Variants in ADARB2 observed in about 807,000 individuals in gnomAD.
ADARB2 encodes inactive double-stranded RNA-specific editase B2.
ADARB2 carries 25 observed loss-of-function variants against 62.2 expected under a neutral mutation model. The ratio of observed to expected loss-of-function variants is 0.40; its 90% CI spans 0.29 to 0.56. The LOEUF is 0.56. Among genes scored for constraint, ADARB2 ranks in the 20% least tolerant of loss-of-function variants. The pLI is 0.43. For synonymous variants in ADARB2, 572 were observed against 500.8 expected, an observed-to-expected ratio of 1.14 and a Z score of -1.90; for missense variants, 1,071 against 1,077.4, an observed-to-expected ratio of 0.99 and a Z score of 0.08.
intron 3 of ADARB2, among the ~76,000 whole-genome samples, chr10:1,349,799 G>A (rs1413727477): frequency 8.5e-5 from 13 of 152,210 alleles, no homozygotes; most frequent in South Asian, 4.2e-4. Context: ...TTATGGGGAC[G>A]CCTCTCTGAT....
intron 1 of ADARB2, among the ~76,000 whole-genome samples, chr10:1,452,099 G>A (rs564559396): frequency 1.3e-5 from 2 of 152,162 alleles, no homozygotes; most frequent in Non-Finnish European, 2.9e-5. Flanking sequence ...GCAGATGCCT[G>A]GCCAGGAGGC....
chr10:1,428,683 T>C (rs1226221304), intron 1 of ADARB2, among the ~76,000 whole-genome samples: 1 of 143,038 alleles, frequency 7.0e-6, no homozygotes, highest in African/African-American at 2.5e-5. Flanking sequence ...GGGCTGGGGA[T>C]GGGAGGGAGG....
chr10:1,452,656 T>A (rs1173535652), intron 1 of ADARB2, among the ~76,000 whole-genome samples: 3 of 94,234 alleles, frequency 3.2e-5, no homozygotes, highest in Admixed American at 1.2e-4. Context: ...TGTTGGGGGG[T>A]TGGGGGATAG....
At chr10:1,385,186 T>C (rs1832515497) in intron 1 of ADARB2, among the ~76,000 whole-genome samples, 2 of 151,982 alleles carry the variant, frequency 1.3e-5, no homozygotes, top group South Asian at 4.2e-4. Flanking sequence ...CACCGTGAAA[T>C]CCATATTCTG....
At chr10:1,626,569 T>C (rs1054988709) in intron 1 of ADARB2, among the ~76,000 whole-genome samples, 2 of 152,048 alleles carry the variant, frequency 1.3e-5, no homozygotes, top group Non-Finnish European at 2.9e-5. Flanking sequence ...GTCATGGGAG[T>C]TCCCAGGCCA....
At chr10:1,716,402 A>G (rs577411375) in intron 1 of ADARB2, among the ~76,000 whole-genome samples, 4 of 152,378 alleles carry the variant, frequency 2.6e-5, no homozygotes, top group South Asian at 4.1e-4. Context: ...TAAAAATTGT[A>G]GATTACTTGG....
At position 1,352,003 on chromosome 10, in the gene ADARB2, C is replaced by T. The variant is rs561780312; in HGVS notation, c.1077+11025G>A. Reference sequence around the variant, plus strand: ...CTCAAACATGCTTTCTTTACTATTCCTTTGCACCCTTCATCCCAGCCTCTC... The same window carrying T: ...CTCAAACATGCTTTCTTTACTATTCTTTTGCACCCTTCATCCCAGCCTCTC... On this transcript the variant is annotated intron_variant, in intron 3 of 9. Coordinates refer to ENST00000381312, the MANE Select transcript of ADARB2 (RefSeq NM_018702.4). 2.9e-4 allele frequency among the ~76,000 whole-genome samples: 44 copies of T among 150,832 alleles called. No homozygotes were observed. In the East Asian group the frequency reaches 8.2e-3, roughly 28 times the overall value.
At position 1,400,780 on chromosome 10, in the gene ADARB2, G is replaced by A. The variant is rs929255728; in HGVS notation, c.101-21620C>T. Among the ~76,000 whole-genome samples, 5 of 152,124 alleles carry A rather than the reference G, an allele frequency of 3.3e-5. No individual in the cohort carries two copies. In the South Asian group the frequency reaches 8.3e-4, roughly 25 times the overall value. ...CATGCTGTTCTTCTGCGTTCCACACGGTTTGTAAAAAGGCGTGGCATGTGG... is the reference window on the plus strand; with the variant it reads ...CATGCTGTTCTTCTGCGTTCCACACAGTTTGTAAAAAGGCGTGGCATGTGG... On this transcript the variant is annotated intron_variant, in intron 1 of 9. Transcript: ENST00000381312.
At position 1,704,227 on chromosome 10, in the gene ADARB2, A is replaced by C. The variant is rs1255805662; in HGVS notation, c.100+32824T>G. Among the ~76,000 whole-genome samples, 4 of 152,210 alleles carry C rather than the reference A, an allele frequency of 2.6e-5. No homozygotes were observed. The highest frequency in any genetic ancestry group is 5.9e-5 in the Non-Finnish European group (4 of 68,040). On this transcript the variant is annotated intron_variant, in intron 1 of 9. Transcript: ENST00000381312. This position sits in a 1 kb window ranked among gnomAD's most constrained non-coding sequence, Gnocchi z 5.6. ...GGGATGGTTTCAGGATGATTCAAGC[A>C]CATTATATTTATTGTGCACTTTATT...
chr10:1,302,402 T>C (rs1831582594), intron 3 of ADARB2, among the ~76,000 whole-genome samples: 1 of 152,214 alleles, frequency 6.6e-6, no homozygotes, highest in African/African-American at 2.4e-5. Flanking sequence ...CGCTGATTGC[T>C]AGCACAGCAG....
intron 3 of ADARB2, among the ~76,000 whole-genome samples, chr10:1,298,906 A>T (rs900078636): frequency 2.0e-5 from 3 of 150,896 alleles, no homozygotes; most frequent in African/African-American, 7.3e-5. Context: ...TGCCCGGTTA[A>T]GTTTTTATTT....
At position 1,177,986 on chromosome 10, in the gene ADARB2, C is replaced by T. The variant is rs1466773423; in HGVS notation, c.*5207G>A. 1 of 152,198 alleles carries T rather than the reference C, an allele frequency of 6.6e-6. No individual in the cohort carries two copies. The highest frequency in any genetic ancestry group is 2.4e-5 in the African/African-American group (1 of 41,426). The allele number at this position is 152,198 out of a possible 1,614,324, so 9.4% of individuals were successfully genotyped here. A position where few individuals can be genotyped will look rare whatever the true frequency, so the allele number is the denominator to read the frequency against. On this transcript the variant is annotated 3_prime_UTR_variant, in exon 10 of 10. Transcript: ENST00000381312. ...GCCGGTCTCAAAAAAGTAAATAGAT[C>T]TCTAGAGATGTGGCCACCAGCGTTC...
In ADARB2 at chr10:1,514,182, T is replaced by C. The variant is rs797002807; in HGVS notation, c.101-135022A>G. Among the ~76,000 whole-genome samples, 9 of 117,162 alleles carry C rather than the reference T, an allele frequency of 7.7e-5. No homozygotes were observed. The East Asian group carries it at 2.3e-3, about 30-fold the overall frequency. 76.9% of individuals were successfully genotyped at this position (117,162 alleles called of 152,430 possible). A position where few individuals can be genotyped will look rare whatever the true frequency, so the allele number is the denominator to read the frequency against. On this transcript the variant is annotated intron_variant, in intron 1 of 9. Transcript: ENST00000381312. ...CAGTGTGAGACGCTGTCTCAAAATA[T>C]ATATATATATATATGTATATTATAT...
rs1034115256 is a variant in ADARB2 at position 1,309,953 on chromosome 10, C to T, written c.1078-38884G>A. Among the ~76,000 whole-genome samples the T allele has an allele frequency of 4.6e-5, 7 of 152,380 alleles. No individual in the cohort carries two copies. In the South Asian group the frequency reaches 1.0e-3, roughly 23 times the overall value. On this transcript the variant is annotated intron_variant, in intron 3 of 9. Transcript: ENST00000381312. The stretch of plus-strand genomic sequence containing the variant: ...GCATCATTCCACCTGGAATCTCCGT[C>T]TTCAGCGTCTTCCATCCCTGAGATT...
intron 1 of ADARB2, among the ~76,000 whole-genome samples, chr10:1,450,352 G>T (rs1831021185): frequency 6.6e-6 from 1 of 152,342 alleles, no homozygotes; most frequent in East Asian, 1.9e-4. Context: ...CTGCTGGAAG[G>T]GTGCTTTTTC....
intron 1 of ADARB2, among the ~76,000 whole-genome samples, chr10:1,716,246 G>A (rs1483952491): frequency 6.6e-6 from 1 of 152,192 alleles, no homozygotes; most frequent in Non-Finnish European, 1.5e-5. Context: ...CTCTGTAACT[G>A]CCCCAGGCAG....
In ADARB2 at chr10:1,628,377, AATT is replaced by A. The variant is rs758341924; in HGVS notation, c.100+108671_100+108673del. On this transcript the variant is annotated intron_variant, in intron 1 of 9. Transcript: ENST00000381312. ...ACTGTTCAGCGCTTGCTAGGCTGTT[AATT>A]ATTGTTGTGTGGCTCTAAGTGATGC... Among the ~76,000 whole-genome samples, 5 of 152,292 alleles carry A rather than the reference AATT, an allele frequency of 3.3e-5. No individual in the cohort carries two copies. The East Asian group carries it at 7.7e-4, about 24-fold the overall frequency.
chr10:1,536,231 G>A (rs898332115), intron 1 of ADARB2, among the ~76,000 whole-genome samples: 1 of 152,176 alleles, frequency 6.6e-6, no homozygotes, highest in African/African-American at 2.4e-5. Flanking sequence ...CTCACGATTA[G>A]AAGAGAAAGA....
At chr10:1,695,413 G>A (rs139988795) in intron 1 of ADARB2, among the ~76,000 whole-genome samples, 12 of 152,182 alleles carry the variant, frequency 7.9e-5, no homozygotes, top group African/African-American at 2.9e-4. Flanking sequence ...CAGTAGTGAC[G>A]GTTTTCTTCC....
Sources: gnomAD v4.1 joint callset for allele counts (sites outside exome capture counted in the v4.1 genomes callset) on GRCh38, gnomAD v4.1.1 for gene constraint, Gnocchi (gnomAD v3.1) non-coding constraint, MANE v1.5 for transcripts, NCBI Gene and HGNC (gene_info 2026-07-23, HGNC 2026-07-21) for gene names.